SUSD4: variants seen among roughly 807,000 people sequenced by gnomAD.
SUSD4 encodes sushi domain containing 4, also known as sushi domain-containing protein 4.
SUSD4 carries 41 observed loss-of-function variants against 50.5 expected under a neutral mutation model. The observed-to-expected ratio is 0.81, with a 90% CI of 0.63 to 1.05. SUSD4 has a LOEUF of 1.05. SUSD4 is among the 50% of genes least tolerant of loss of function. The pLI is 0.00. For missense variants in SUSD4, 580 were observed against 634.7 expected (o/e 0.91, Z 0.93); for synonymous variants, 257 against 257.3 (o/e 1.00, Z 0.01).
chr1:223,264,826 AGGTG>A lies in SUSD4; in HGVS notation c.536-12_536-9del, dbSNP rs1335649672. On this transcript the variant is annotated splice_polypyrimidine_tract_variant and intron_variant, in intron 4 of 8. Coordinates refer to ENST00000366878, the MANE Select transcript of SUSD4 (RefSeq NM_017982.4). ...CTAGAGGTCTCAGGCAGCCTGTGGA[AGGTG>A]AAAGAAAAAGGGAAAGATTCCACTC... 3 of 1,610,454 alleles carry A rather than the reference AGGTG, an allele frequency of 1.9e-6. No individual in the cohort carries two copies. The highest frequency in any genetic ancestry group is 1.7e-5 in the Admixed American group (1 of 59,564).
At chr1:223,243,389 C>T (rs1191172547) in intron 5 of SUSD4, among the ~76,000 whole-genome samples, 1 of 152,240 alleles carries the variant, frequency 6.6e-6, no homozygotes. Flanking sequence ...TCCCTGCGCA[C>T]TGGCAGGGGA....
intron 3 of SUSD4, among the ~76,000 whole-genome samples, chr1:223,271,910 C>T (rs1200253955): frequency 6.6e-6 from 1 of 152,168 alleles, no homozygotes; most frequent in East Asian, 1.9e-4. Context: ...ACATAATTTT[C>T]TATAGCATAA....
intron 7 of SUSD4, among the ~76,000 whole-genome samples, chr1:223,226,003 T>G (rs1470006556): frequency 2.0e-5 from 3 of 152,252 alleles, no homozygotes; most frequent in African/African-American, 4.8e-5. Context: ...ACTCAAGGGC[T>G]GAAGAACATC....
intron 2 of SUSD4, among the ~76,000 whole-genome samples, chr1:223,355,348 A>T (rs927082694): frequency 5.9e-5 from 9 of 151,488 alleles, no homozygotes; most frequent in African/African-American, 2.2e-4. Context: ...TGCTGGGATT[A>T]CAGGCATGAG....
chr1:223,347,579 G>A (rs901209330), intron 2 of SUSD4, among the ~76,000 whole-genome samples: 1 of 151,848 alleles, frequency 6.6e-6, no homozygotes, highest in African/African-American at 2.4e-5. Context: ...CCACTATTGG[G>A]GGATCAGTAG....
chr1:223,322,615 G>GGT (rs1047820330), intron 2 of SUSD4, among the ~76,000 whole-genome samples: 63 of 151,858 alleles, frequency 4.1e-4, no homozygotes, highest in African/African-American at 1.3e-3. Context: ...GCAGCCCTGG[G>GGT]GTGTGTGTGT....
chr1:223,295,885 C>T lies in SUSD4; in HGVS notation c.149-3234G>A, dbSNP rs1019631470. Among the ~76,000 whole-genome samples the T allele has an allele frequency of 4.6e-5, 7 of 151,274 alleles. No homozygotes were observed. In the East Asian group the frequency reaches 1.2e-3, roughly 25 times the overall value. On this transcript the variant is annotated intron_variant, in intron 2 of 8. Coordinates refer to ENST00000366878, the MANE Select transcript of SUSD4 (RefSeq NM_017982.4). ...AGAGGTTTGAGCAGGGAAGTGATTA[C>T]GATCAGATTCGCATTTTAGAATGAT...
intron 2 of SUSD4, among the ~76,000 whole-genome samples, chr1:223,320,120 A>T (rs1454807032): frequency 1.3e-5 from 2 of 152,200 alleles, no homozygotes; most frequent in East Asian, 1.9e-4. Context: ...GTTCTTGCTC[A>T]TCCAGGAGAG....
At chr1:223,306,763 G>A (rs1389109032) in intron 2 of SUSD4, among the ~76,000 whole-genome samples, 1 of 152,144 alleles carries the variant, frequency 6.6e-6, no homozygotes, top group Non-Finnish European at 1.5e-5. Context: ...AAAGTGCTGG[G>A]ATTACAGGCA....
At chr1:223,230,492 G>C (rs577886483) in intron 5 of SUSD4, 1 of 152,248 alleles carries the variant, frequency 6.6e-6, no homozygotes, top group South Asian at 2.1e-4. Context: ...CCACCATACA[G>C]GCCAGAAGAG....
At chr1:223,321,362 T>G (rs1338256413) in intron 2 of SUSD4, among the ~76,000 whole-genome samples, 2 of 152,204 alleles carry the variant, frequency 1.3e-5, no homozygotes, top group Non-Finnish European at 2.9e-5. Context: ...AGGTCTCAGT[T>G]TTCTCATCTA....
At chr1:223,234,756 G>A (rs941965763) in intron 5 of SUSD4, among the ~76,000 whole-genome samples, 3 of 152,158 alleles carry the variant, frequency 2.0e-5, no homozygotes, top group East Asian at 3.9e-4. Context: ...TCTTAGTGAC[G>A]TGAAATAGAG....
At chr1:223,342,654 A>T (rs1667821080) in intron 2 of SUSD4, among the ~76,000 whole-genome samples, 1 of 152,254 alleles carries the variant, frequency 6.6e-6, no homozygotes, top group Non-Finnish European at 1.5e-5. Flanking sequence ...CATTGGGAAA[A>T]GGATAGACTA....
At chr1:223,277,851 C>T (rs749693692) in intron 3 of SUSD4, among the ~76,000 whole-genome samples, 7 of 152,242 alleles carry the variant, frequency 4.6e-5, no homozygotes, top group East Asian at 1.9e-4. Context: ...GGATCTTTGT[C>T]GAACACTAGA....
intron 2 of SUSD4, among the ~76,000 whole-genome samples, chr1:223,331,467 G>A (rs1404905142): frequency 6.6e-6 from 1 of 152,160 alleles, no homozygotes; most frequent in Admixed American, 6.5e-5. Flanking sequence ...AGCTGAACCT[G>A]TGTCCCCCTG....
chr1:223,225,166 G>A (rs947650383), intron 7 of SUSD4, among the ~76,000 whole-genome samples: 11 of 152,054 alleles, frequency 7.2e-5, no homozygotes, highest in African/African-American at 2.7e-4. Flanking sequence ...CACTGTGCCC[G>A]GCCGGAACTT....
intron 2 of SUSD4, among the ~76,000 whole-genome samples, chr1:223,333,840 A>G (rs796603828): frequency 1.6e-4 from 25 of 152,278 alleles, no homozygotes; most frequent in African/African-American, 5.3e-4. Context: ...CCACAGCATG[A>G]GAGGACAGGT....
intron 2 of SUSD4, among the ~76,000 whole-genome samples, chr1:223,304,501 G>A (rs567242454): frequency 2.8e-4 from 43 of 152,024 alleles, no homozygotes; most frequent in Admixed American, 7.9e-4. Flanking sequence ...TACACACCCT[G>A]CATGGTAACG....
chr1:223,271,906 T>C (rs1662946513), intron 3 of SUSD4, among the ~76,000 whole-genome samples: 1 of 152,174 alleles, frequency 6.6e-6, no homozygotes, highest in African/African-American at 2.4e-5. Context: ...AATAACATAA[T>C]TTTCTATAGC....
Sources: gnomAD v4.1 joint callset for allele counts (sites outside exome capture counted in the v4.1 genomes callset) on GRCh38, gnomAD v4.1.1 for gene constraint, MANE v1.5 for transcripts, NCBI Gene and HGNC (gene_info 2026-07-23, HGNC 2026-07-21) for gene names.